TNR: variants seen among roughly 807,000 people sequenced by gnomAD.
The protein encoded by TNR is tenascin R.
A neutral mutation model predicts 150.4 loss-of-function variants in TNR; 45 were observed. The observed-to-expected ratio is 0.30, with a 90% CI of 0.24 to 0.38. The LOEUF (loss-of-function observed/expected upper bound fraction) is 0.38, where lower values mean the gene tolerates loss of function less well. Ranked by LOEUF, TNR falls within the 10% of genes least tolerant of loss-of-function variation. The pLI, the probability that TNR is intolerant of heterozygous loss-of-function variation, is 1.00. For synonymous variants in TNR, 687 were observed against 678.4 expected, an observed-to-expected ratio of 1.01 and a Z score of -0.20; for missense variants, 1,544 against 1,759.1, an observed-to-expected ratio of 0.88 and a Z score of 2.19.
intron 1 of TNR, among the ~76,000 whole-genome samples, chr1:175,582,634 T>G (rs1662400633): frequency 6.6e-6 from 1 of 152,198 alleles, no homozygotes; most frequent in Non-Finnish European, 1.5e-5. Flanking sequence ...TTTACCATGC[T>G]TCTTGCCTGG....
intron 20 of TNR, among the ~76,000 whole-genome samples, chr1:175,331,122 CTTTCTTTCT>C (rs1342953814): frequency 7.2e-6 from 1 of 139,594 alleles, no homozygotes; most frequent in Non-Finnish European, 1.6e-5. Context: ...TCTTTTCTTT[CTTTCTTTCT>C]TTTCTTTCTT....
intron 1 of TNR, among the ~76,000 whole-genome samples, chr1:175,632,936 G>T (rs1664376879): frequency 6.6e-6 from 1 of 152,132 alleles, no homozygotes; most frequent in Non-Finnish European, 1.5e-5. Flanking sequence ...TCCCCTAAAG[G>T]AACAAATAGT....
In TNR at chr1:175,672,013, T is replaced by A. The variant is rs186918152; in HGVS notation, c.-165+71213A>T. Among the ~76,000 whole-genome samples, 201 of 151,974 alleles carry A rather than the reference T, an allele frequency of 1.3e-3. 3 individuals carry two copies. Among genetic ancestry groups the A allele is most frequent in the African/African-American group, 4.7e-3 (195 of 41,392 alleles). On this transcript the variant is annotated intron_variant, in intron 1 of 22. Coordinates refer to ENST00000367674, the MANE Select transcript of TNR (RefSeq NM_003285.3). Reference sequence around the variant, plus strand: ...GGCACAGGCTTTGGCATCAACACACTAGTTGGCTCATAGCAGAACCCCAAT... The same window carrying A: ...GGCACAGGCTTTGGCATCAACACACAAGTTGGCTCATAGCAGAACCCCAAT...
chr1:175,410,072 C>T (rs1654140623), intron 2 of TNR, among the ~76,000 whole-genome samples: 1 of 152,168 alleles, frequency 6.6e-6, no homozygotes, highest in African/African-American at 2.4e-5. Flanking sequence ...ACAGGCTTCT[C>T]TGATAAGCTG....
chr1:175,518,333 C>T lies in TNR; in HGVS notation c.-64+9936G>A, dbSNP rs193122430. On this transcript the variant is annotated intron_variant, in intron 2 of 22. Transcript: ENST00000367674. Reference sequence around the variant, plus strand: ...CACCCACAGGGCCAGGTCTAGTGAACGTCTCTCAGACTGTGCAGTCTTGGG... The same window carrying T: ...CACCCACAGGGCCAGGTCTAGTGAATGTCTCTCAGACTGTGCAGTCTTGGG... Among the ~76,000 whole-genome samples the T allele has an allele frequency of 9.8e-5, 15 of 152,290 alleles. No individual in the cohort carries two copies. The East Asian group carries it at 1.9e-3, about 20-fold the overall frequency.
intron 2 of TNR, among the ~76,000 whole-genome samples, chr1:175,423,621 T>C (rs920573942): frequency 5.3e-5 from 8 of 152,180 alleles, no homozygotes; most frequent in African/African-American, 1.9e-4. Context: ...TCCCTGAAAC[T>C]AGACCCTAAG....
chr1:175,714,351 C>T (rs928043641), intron 1 of TNR, among the ~76,000 whole-genome samples: 1 of 152,094 alleles, frequency 6.6e-6, no homozygotes, highest in Non-Finnish European at 1.5e-5. Context: ...GAGGCAATTG[C>T]TTCAATACAT....
At chr1:175,374,146 TA>T (rs1165704195) in intron 9 of TNR, among the ~76,000 whole-genome samples, 4 of 152,130 alleles carry the variant, frequency 2.6e-5, no homozygotes, top group African/African-American at 9.7e-5. Flanking sequence ...AGTGCAGACA[TA>T]GCGAGGTGGA....
At chr1:175,466,843 G>C (rs1467003131) in intron 2 of TNR, among the ~76,000 whole-genome samples, 1 of 152,100 alleles carries the variant, frequency 6.6e-6, no homozygotes. Context: ...AGGAATCCGG[G>C]CTCCTCTTTC....
intron 4 of TNR, among the ~76,000 whole-genome samples, chr1:175,400,194 G>C (rs1345628361): frequency 8.9e-6 from 1 of 112,972 alleles, no homozygotes; most frequent in Non-Finnish European, 1.8e-5. Context: ...TCATGTGATG[G>C]AGCTCAGCTT....
chr1:175,349,093 C>A (rs1239992807), intron 18 of TNR, among the ~76,000 whole-genome samples: 1 of 152,126 alleles, frequency 6.6e-6, no homozygotes, highest in Non-Finnish European at 1.5e-5. Flanking sequence ...CATGTCAAGG[C>A]ATTTGGAATG....
intron 2 of TNR, among the ~76,000 whole-genome samples, chr1:175,487,410 T>C (rs1413259695): frequency 6.6e-6 from 1 of 152,182 alleles, no homozygotes; most frequent in Non-Finnish European, 1.5e-5. Flanking sequence ...GGACCCCGGC[T>C]CTAAGGCATA....
chr1:175,453,175 G>A (rs190728598), intron 2 of TNR, among the ~76,000 whole-genome samples: 2 of 152,290 alleles, frequency 1.3e-5, no homozygotes, highest in African/African-American at 4.8e-5. Context: ...CTTCTGTGTG[G>A]AGAATCTAGA....
chr1:175,534,138 T>C (rs1660178682), intron 1 of TNR, among the ~76,000 whole-genome samples: 1 of 152,206 alleles, frequency 6.6e-6, no homozygotes, highest in Non-Finnish European at 1.5e-5. Context: ...AACAACCTCA[T>C]GCTCACACAA....
chr1:175,707,851 T>C (rs1666882878), intron 1 of TNR, among the ~76,000 whole-genome samples: 1 of 152,310 alleles, frequency 6.6e-6, no homozygotes, highest in Middle Eastern at 3.4e-3. Flanking sequence ...GTTCCTTTTG[T>C]GATATCTCTG....
chr1:175,662,655 T>G (rs1345603431), intron 1 of TNR, among the ~76,000 whole-genome samples: 1 of 152,190 alleles, frequency 6.6e-6, no homozygotes, highest in Non-Finnish European at 1.5e-5. Flanking sequence ...GCAAACAGAA[T>G]GGAGCTGGAG....
At chr1:175,421,477 A>T (rs1239250541) in intron 2 of TNR, among the ~76,000 whole-genome samples, 1 of 152,156 alleles carries the variant, frequency 6.6e-6, no homozygotes, top group African/African-American at 2.4e-5. Context: ...TATTTCCTAA[A>T]AGAATGGTTT....
At chr1:175,342,123 G>A (rs1324494757) in intron 18 of TNR, among the ~76,000 whole-genome samples, 1 of 152,248 alleles carries the variant, frequency 6.6e-6, no homozygotes, top group Non-Finnish European at 1.5e-5. Flanking sequence ...AAAAGACACA[G>A]TCACAACCTT....
chr1:175,636,626 G>C (rs1435200531), intron 1 of TNR, among the ~76,000 whole-genome samples: 4 of 152,176 alleles, frequency 2.6e-5, no homozygotes, highest in Admixed American at 6.5e-5. Context: ...ATGACCAACT[G>C]TCCCCTCAAA....
Sources: allele counts gnomAD v4.1 joint callset (sites outside exome capture counted in the v4.1 genomes callset), GRCh38; gene constraint gnomAD v4.1.1; transcripts MANE v1.5; gene names NCBI Gene and HGNC (gene_info 2026-07-23, HGNC 2026-07-21).